Variants in DNAAF9 observed in about 807,000 individuals in gnomAD.
DNAAF9 encodes the protein dynein axonemal assembly factor 9.
DNAAF9 carries 90 observed loss-of-function variants against 167.0 expected under a neutral mutation model. The observed-to-expected ratio is 0.54, with a 90% CI of 0.45 to 0.64. DNAAF9 has a LOEUF of 0.64. Ranked by LOEUF, DNAAF9 falls within the 30% of genes least tolerant of loss-of-function variation. The pLI, the probability that DNAAF9 is intolerant of heterozygous loss-of-function variation, is 0.00. For missense variants in DNAAF9, 1,315 were observed against 1,442.2 expected, an observed-to-expected ratio of 0.91 and a Z score of 1.43; for synonymous variants, 491 against 508.8, an observed-to-expected ratio of 0.96 and a Z score of 0.47.
chr20:3,307,096 G>A, intron 20 of DNAAF9: 1 of 985,234 alleles, frequency 1.0e-6, no homozygotes, highest in Middle Eastern at 5.2e-4. Context: ...GCACAGATTG[G>A]AGAAGCTGGC....
At chr20:3,383,837 C>T (rs916626823) in intron 1 of DNAAF9, among the ~76,000 whole-genome samples, 6 of 144,822 alleles carry the variant, frequency 4.1e-5, no homozygotes, top group Admixed American at 7.0e-5. Context: ...CTCACTCTGT[C>T]GCCCAGGCTG....
At chr20:3,279,117 C>T (rs1600695952) in intron 28 of DNAAF9, among the ~76,000 whole-genome samples, 168 bp from the exon 29 acceptor site, 1 of 152,102 alleles carries the variant, frequency 6.6e-6, no homozygotes, top group Admixed American at 6.6e-5. Context: ...TACAGCTTTC[C>T]GTCAAAGCTC....
chr20:3,313,156 C>T (rs957134843), intron 20 of DNAAF9, among the ~76,000 whole-genome samples: 4 of 152,232 alleles, frequency 2.6e-5, no homozygotes, highest in Non-Finnish European at 5.9e-5. Context: ...TGTGTTGTGC[C>T]TACAATCTGC....
chr20:3,376,884 G>A lies in DNAAF9; in HGVS notation c.284-582C>T, dbSNP rs1385947313. Among the ~76,000 whole-genome samples, 3 of 152,272 alleles carry A rather than the reference G, an allele frequency of 2.0e-5. No homozygotes were observed. The East Asian group carries it at 5.8e-4, about 29-fold the overall frequency. ...TTGAGACCAGCCTGACCAACATGGT[G>A]AAACCCCGTCTCTACTAAAAACAAA... On this transcript the variant is annotated intron_variant, in intron 3 of 36. Transcript: ENST00000252032.
Position 3,363,969 on chromosome 20 carries a change from G to T in DNAAF9, c.613-4376C>A, listed in dbSNP as rs6051797. Among the ~76,000 whole-genome samples the T allele has an allele frequency of 6.6e-3, 997 of 151,912 alleles. 9 individuals carry two copies. Among genetic ancestry groups the T allele is most frequent in the African/African-American group, 0.023 (954 of 41,422 alleles). ...GTTTTCATCTCTAGAAGTTGATTTG[G>T]GTTTTTTTTGTTTTTGAGACAGGGG... On this transcript the variant is annotated intron_variant, in intron 6 of 36. Transcript: ENST00000252032.
intron 1 of DNAAF9, among the ~76,000 whole-genome samples, chr20:3,393,897 C>T (rs997743799): frequency 1.3e-5 from 2 of 152,224 alleles, no homozygotes; most frequent in South Asian, 2.1e-4. Context: ...TTACAACTCA[C>T]ACTTCCCTAA....
At chr20:3,261,844 C>T (rs1303730928) in intron 31 of DNAAF9, among the ~76,000 whole-genome samples, 1 of 151,336 alleles carries the variant, frequency 6.6e-6, no homozygotes, top group Non-Finnish European at 1.5e-5. Flanking sequence ...CCTCTGGCTT[C>T]TGTGGTACCT....
chr20:3,259,343 A>G, intron 33 of DNAAF9, 137 bp downstream of exon 33: 1 of 700,290 alleles, frequency 1.4e-6, no homozygotes, highest in Non-Finnish European at 2.6e-6. Flanking sequence ...GATGGCGTGA[A>G]GGCCCAGGGT....
chr20:3,405,614 T>G (rs2084044534), intron 1 of DNAAF9, among the ~76,000 whole-genome samples: 2 of 152,200 alleles, frequency 1.3e-5, no homozygotes. Context: ...GATTTGGAGT[T>G]CGGGTATGAT....
chr20:3,270,362 G>A (rs1219498252), intron 30 of DNAAF9, 65 bp downstream of exon 30: 2 of 1,449,800 alleles, frequency 1.4e-6, no homozygotes, highest in East Asian at 4.5e-5. Context: ...AAGACTCTGT[G>A]GGCCACAGAC....
At chr20:3,302,955 T>A (rs1389488015) in intron 21 of DNAAF9, among the ~76,000 whole-genome samples, 4 of 152,164 alleles carry the variant, frequency 2.6e-5, no homozygotes, top group African/African-American at 4.8e-5. Context: ...CAGTAACTGG[T>A]CAGCTGGGTG....
chr20:3,260,459 C>T (rs1486646759), intron 31 of DNAAF9, among the ~76,000 whole-genome samples: 1 of 152,176 alleles, frequency 6.6e-6, no homozygotes, highest in Non-Finnish European at 1.5e-5. Flanking sequence ...GACTGGGAAG[C>T]ATGACTGCCC....
At chr20:3,291,927 G>T (rs2068962320) in intron 25 of DNAAF9, among the ~76,000 whole-genome samples, 1 of 151,626 alleles carries the variant, frequency 6.6e-6, no homozygotes, top group Non-Finnish European at 1.5e-5. Flanking sequence ...CAGTGCCCAG[G>T]TCTCAGCCCC....
intron 1 of DNAAF9, among the ~76,000 whole-genome samples, chr20:3,405,280 C>G (rs1007463267): frequency 1.3e-5 from 2 of 152,130 alleles, no homozygotes; most frequent in South Asian, 2.1e-4. Flanking sequence ...AATGAACTAC[C>G]GTGCTAGAAC....
At chr20:3,395,405 C>T (rs1432944915) in intron 1 of DNAAF9, among the ~76,000 whole-genome samples, 4 of 152,048 alleles carry the variant, frequency 2.6e-5, no homozygotes, top group Non-Finnish European at 5.9e-5. Flanking sequence ...CTCAGCTTCC[C>T]GAGTAGCTGT....
chr20:3,341,934 C>T (rs554956256), intron 9 of DNAAF9, among the ~76,000 whole-genome samples: 2 of 152,272 alleles, frequency 1.3e-5, no homozygotes, highest in South Asian at 2.1e-4. Flanking sequence ...CCCGCCACCA[C>T]GCCTGGCTAA....
At chr20:3,378,950 A>G (rs1243718281) in intron 3 of DNAAF9, among the ~76,000 whole-genome samples, 1 of 151,444 alleles carries the variant, frequency 6.6e-6, no homozygotes, top group Non-Finnish European at 1.5e-5. Flanking sequence ...TAAGCACAAG[A>G]GTCAAAGGGT....
In DNAAF9 at chr20:3,259,994, GAT is replaced by G. The variant is rs2068352192; in HGVS notation, c.2906_2907del (p.Tyr969SerfsTer24). 8 of 1,611,782 alleles carry G rather than the reference GAT, an allele frequency of 5.0e-6. No individual in the cohort carries two copies. ...CATACGCAGATCTGAACCATTAGGG[GAT>G]AGACTGATCCAGCATTCAATTTACC... ...YEGKLNAGSV[Y>X]PLMVQICVWF... On this transcript the variant is annotated frameshift_variant, in exon 32 of 37. Coordinates refer to ENST00000252032, the MANE Select transcript of DNAAF9 (RefSeq NM_001009984.3). LOFTEE classifies it high-confidence loss of function.
intron 25 of DNAAF9, among the ~76,000 whole-genome samples, chr20:3,291,023 G>C (rs942329817): frequency 5.9e-5 from 9 of 151,882 alleles, no homozygotes; most frequent in African/African-American, 1.2e-4. Context: ...TCCTGACCTT[G>C]GGTGATCCAC....
Sources: allele counts gnomAD v4.1 joint callset (sites outside exome capture counted in the v4.1 genomes callset), GRCh38; gene constraint gnomAD v4.1.1; transcripts MANE v1.5; gene names NCBI Gene and HGNC (gene_info 2026-07-23, HGNC 2026-07-21).